Variants in CSMD1 observed in about 807,000 individuals in gnomAD.
CSMD1 encodes CUB and Sushi multiple domains 1, also known as CUB and sushi domain-containing protein 1.
CSMD1 carries 213 observed loss-of-function variants against 417.5 expected under a neutral mutation model. That is an observed-to-expected ratio of 0.51 (90% CI 0.46 to 0.57). The LOEUF (loss-of-function observed/expected upper bound fraction) is 0.57. Ranked by LOEUF, CSMD1 falls within the 20% of genes least tolerant of loss-of-function variation. The pLI is 0.00. For missense variants in CSMD1, 6,923 were observed against 4,529.7 expected (o/e 1.53, Z -15.17); for synonymous variants, 2,862 against 1,736.8 (o/e 1.65, Z -16.11).
chr8:4,223,236 A>G (rs1700064), intron 3 of CSMD1, among the ~76,000 whole-genome samples: 152,103 of 152,284 alleles, frequency 1, 75,961 homozygotes, highest in Non-Finnish European at 1. Flanking sequence ...TTGCTTCTTG[A>G]ACATTTATCT....
intron 4 of CSMD1, among the ~76,000 whole-genome samples, chr8:4,012,415 T>A (rs191266925): frequency 1.1e-4 from 17 of 152,280 alleles, no homozygotes; most frequent in Admixed American, 2.6e-4. Context: ...CGTGGATTTA[T>A]TTTTATGTTT....
At chr8:3,624,916 T>G (rs1796420621) in intron 7 of CSMD1, among the ~76,000 whole-genome samples, 1 of 152,172 alleles carries the variant, frequency 6.6e-6, no homozygotes, top group South Asian at 2.1e-4. Flanking sequence ...AATGAAACTT[T>G]GTCATGCCAC....
rs566992177 is a variant in CSMD1, at chr8:4,141,367, G to A, written c.416-109268C>T. Among the ~76,000 whole-genome samples the A allele has an allele frequency of 1.4e-4, 21 of 151,310 alleles. 2 individuals carry two copies. The highest frequency in any genetic ancestry group is 4.7e-4 in the African/African-American group (19 of 40,612). Reference sequence around the variant, plus strand: ...AGAAGTATGCTCATGAAGCTTGTATGCTCCAAGAATACCAAGAAGCTAAAG... The same window carrying A: ...AGAAGTATGCTCATGAAGCTTGTATACTCCAAGAATACCAAGAAGCTAAAG... On this transcript the variant is annotated intron_variant, in intron 3 of 69. Transcript: ENST00000635120.
chr8:4,153,307 C>G (rs1470762465), intron 3 of CSMD1, among the ~76,000 whole-genome samples: 1 of 152,172 alleles, frequency 6.6e-6, no homozygotes, highest in East Asian at 1.9e-4. Context: ...TCTCCGGGCT[C>G]TTCTCACTTC....
chr8:4,432,900 C>G (rs1797949590), intron 2 of CSMD1, among the ~76,000 whole-genome samples: 1 of 152,202 alleles, frequency 6.6e-6, no homozygotes, highest in African/African-American at 2.4e-5. Flanking sequence ...AAGGGGTGAG[C>G]AGCAGAAGCC....
chr8:3,922,194 C>T (rs927556811), intron 5 of CSMD1, among the ~76,000 whole-genome samples: 1 of 151,874 alleles, frequency 6.6e-6, no homozygotes, highest in African/African-American at 2.4e-5. Context: ...TATAGACAAC[C>T]CTACTCTCTT....
chr8:4,614,011 T>G (rs1400142468), intron 2 of CSMD1, among the ~76,000 whole-genome samples: 1 of 152,128 alleles, frequency 6.6e-6, no homozygotes, highest in Non-Finnish European at 1.5e-5. Context: ...TAATAAAAAT[T>G]TTAGGACAAA....
chr8:3,293,202 G>A (rs1038609624), intron 25 of CSMD1, among the ~76,000 whole-genome samples: 1 of 152,144 alleles, frequency 6.6e-6, no homozygotes, highest in Non-Finnish European at 1.5e-5. Context: ...TCCGCTGTTG[G>A]TCTGATGGGC....
chr8:4,059,281 A>G (rs533766137), intron 3 of CSMD1, among the ~76,000 whole-genome samples: 78 of 152,182 alleles, frequency 5.1e-4, no homozygotes, highest in African/African-American at 1.6e-3. Flanking sequence ...TCTCTGGGAC[A>G]CATTCAAAAC....
intron 10 of CSMD1, among the ~76,000 whole-genome samples, chr8:3,533,458 C>T (rs183459022): frequency 6.6e-6 from 1 of 152,246 alleles, no homozygotes; most frequent in African/African-American, 2.4e-5. Context: ...CCTTTAGATT[C>T]CTCATGTAAG....
intron 10 of CSMD1, among the ~76,000 whole-genome samples, chr8:3,509,566 T>G (rs557977474): frequency 2.6e-5 from 4 of 152,330 alleles, no homozygotes; most frequent in African/African-American, 9.6e-5. Context: ...CAATTCCAAT[T>G]TTCTATAACT....
rs1037556549 is a variant in CSMD1, at chr8:2,937,133, A to G, written c.*1452T>C. Reference sequence around the variant, plus strand: ...GCCACATCTTCTACTTCATGTTTTGATTTTTATTTGCCCTGGGGATCTTAT... The same window carrying G: ...GCCACATCTTCTACTTCATGTTTTGGTTTTTATTTGCCCTGGGGATCTTAT... On this transcript the variant is annotated 3_prime_UTR_variant, in exon 70 of 70. Transcript: ENST00000635120. The G allele has an allele frequency of 6.6e-6, 1 of 152,122 alleles. No homozygotes were observed. Among genetic ancestry groups the G allele is most frequent in the Non-Finnish European group, 1.5e-5 (1 of 68,014 alleles). 9.4% of individuals were successfully genotyped at this position (152,122 alleles called of 1,614,324 possible).
At chr8:3,065,161 T>C (rs945352562) in intron 49 of CSMD1, among the ~76,000 whole-genome samples, 1 of 152,066 alleles carries the variant, frequency 6.6e-6, no homozygotes, top group Non-Finnish European at 1.5e-5. Flanking sequence ...AATGTGTCTA[T>C]CATTAAATTT....
intron 1 of CSMD1, among the ~76,000 whole-genome samples, chr8:4,964,574 C>G (rs1287065045): frequency 7.0e-6 from 1 of 143,780 alleles, no homozygotes; most frequent in African/African-American, 2.6e-5. Context: ...GAGCACAGAA[C>G]CAAGAAGGAC....
intron 1 of CSMD1, among the ~76,000 whole-genome samples, chr8:4,979,045 G>A (rs1041316569): frequency 3.9e-5 from 6 of 152,094 alleles, no homozygotes; most frequent in African/African-American, 7.2e-5. Flanking sequence ...TCCTCTCATC[G>A]TTCTTTTCAT....
intron 1 of CSMD1, among the ~76,000 whole-genome samples, chr8:4,955,572 CA>C (rs1809045268): frequency 2.0e-5 from 3 of 152,078 alleles, no homozygotes; most frequent in Admixed American, 2.0e-4. Flanking sequence ...TCTCCTGCCT[CA>C]GCCTCCCGAG....
chr8:3,310,358 G>C (rs551668417), intron 23 of CSMD1, among the ~76,000 whole-genome samples: 1 of 152,252 alleles, frequency 6.6e-6, no homozygotes, highest in Admixed American at 6.5e-5. Flanking sequence ...TTGCGGGTTT[G>C]GAAGTGACAG....
intron 2 of CSMD1, among the ~76,000 whole-genome samples, chr8:4,603,690 T>C (rs552001565): frequency 2.0e-5 from 3 of 152,232 alleles, no homozygotes; most frequent in South Asian, 4.1e-4. Flanking sequence ...AAAACAGTGA[T>C]TTTCTTTCAC....
At chr8:4,757,765 C>A (rs1375380273) in intron 1 of CSMD1, among the ~76,000 whole-genome samples, 1 of 151,904 alleles carries the variant, frequency 6.6e-6, no homozygotes, top group Non-Finnish European at 1.5e-5. Context: ...TTGAGACAAG[C>A]CTGGCCAACA....
Sources: gnomAD v4.1 joint callset for allele counts (sites outside exome capture counted in the v4.1 genomes callset) on GRCh38, gnomAD v4.1.1 for gene constraint, MANE v1.5 for transcripts, NCBI Gene and HGNC (gene_info 2026-07-23, HGNC 2026-07-21) for gene names.